The following FAM107B variants were observed in gnomAD, a reference collection of about 807,000 sequenced individuals.
The protein encoded by FAM107B is family with sequence similarity 107 member B, also known as protein FAM107B.
A neutral mutation model predicts 31.5 loss-of-function variants in FAM107B; 21 were observed. The observed-to-expected ratio is 0.67, with a 90% CI of 0.47 to 0.96. The LOEUF (loss-of-function observed/expected upper bound fraction) is 0.96, where lower values mean the gene tolerates loss of function less well. Ranked by LOEUF, FAM107B falls within the 40% of genes least tolerant of loss-of-function variation. The pLI is 0.00. For missense variants in FAM107B, 452 were observed against 377.1 expected (o/e 1.20, Z -1.64); for synonymous variants, 157 against 141.5 (o/e 1.11, Z -0.78).
At chr10:14,769,531 C>A (rs1013955930) in intron 1 of FAM107B, among the ~76,000 whole-genome samples, 1 of 152,102 alleles carries the variant, frequency 6.6e-6, no homozygotes, top group Non-Finnish European at 1.5e-5. Flanking sequence ...ATTACGGGCG[C>A]CCGCCACCAC....
rs185955808 is a variant in FAM107B at position 14,687,992 on chromosome 10, C to T, written c.412-20301G>A. 3.3e-3 allele frequency among the ~76,000 whole-genome samples: 499 copies of T among 152,304 alleles called. 2 individuals are homozygous for T. The highest frequency in any genetic ancestry group is 0.011 in the African/African-American group (466 of 41,556). On this transcript the variant is annotated intron_variant, in intron 1 of 4. Coordinates refer to ENST00000181796, the MANE Select transcript of FAM107B (RefSeq NM_031453.4). ...TAAGGGTATTGCCAAAGGAGATTAA[C>T]ATTTGAGTCAGTGGGCTGGGAAAGG... is the stretch of plus-strand genomic sequence containing the variant.
chr10:14,693,102 G>A (rs193219110), intron 1 of FAM107B, among the ~76,000 whole-genome samples: 11 of 152,322 alleles, frequency 7.2e-5, no homozygotes, highest in Non-Finnish European at 1.3e-4. Flanking sequence ...GGTGACTTAT[G>A]TCTTTTATCA....
intron 2 of FAM107B, among the ~76,000 whole-genome samples, chr10:14,637,679 G>T (rs1564610255): frequency 6.6e-6 from 1 of 152,112 alleles, no homozygotes; most frequent in Non-Finnish European, 1.5e-5. Flanking sequence ...TGACAGGATG[G>T]ACATGATTCC....
intron 1 of FAM107B, among the ~76,000 whole-genome samples, chr10:14,707,165 CA>C (rs1412367096): frequency 1.3e-5 from 2 of 151,696 alleles, no homozygotes; most frequent in Non-Finnish European, 1.5e-5. Flanking sequence ...AACAAAACAA[CA>C]AAACAAAACA....
chr10:14,547,217 T>C (rs1390111312), intron 2 of FAM107B, among the ~76,000 whole-genome samples: 1 of 152,204 alleles, frequency 6.6e-6, no homozygotes, highest in Non-Finnish European at 1.5e-5. Context: ...CTGGTGGGTT[T>C]TGGCTGATGA....
intron 1 of FAM107B, among the ~76,000 whole-genome samples, chr10:14,727,431 A>C (rs1856062915): frequency 6.6e-6 from 1 of 152,186 alleles, no homozygotes; most frequent in Admixed American, 6.5e-5. Flanking sequence ...TGGACTTGCA[A>C]CTGTCAGCAG....
At chr10:14,603,422 T>G (rs887266431) in intron 2 of FAM107B, among the ~76,000 whole-genome samples, 1 of 152,216 alleles carries the variant, frequency 6.6e-6, no homozygotes, top group Non-Finnish European at 1.5e-5. Flanking sequence ...TTTGCTCCGC[T>G]GTCATTGCCT....
chr10:14,703,935 G>A (rs1320632545), intron 1 of FAM107B, among the ~76,000 whole-genome samples: 1 of 152,198 alleles, frequency 6.6e-6, no homozygotes, highest in Non-Finnish European at 1.5e-5. Flanking sequence ...TGATTTAAGA[G>A]CAAACATTTT....
At chr10:14,653,072 G>A (rs923178097) in intron 2 of FAM107B, among the ~76,000 whole-genome samples, 4 of 152,154 alleles carry the variant, frequency 2.6e-5, no homozygotes, top group South Asian at 2.1e-4. Flanking sequence ...GGCAAAACTC[G>A]CAATCCCTGA....
At chr10:14,745,267 A>C (rs948549409) in intron 1 of FAM107B, among the ~76,000 whole-genome samples, 6 of 151,356 alleles carry the variant, frequency 4.0e-5, no homozygotes, top group African/African-American at 1.5e-4. Flanking sequence ...GGATTTGCTA[A>C]TTTTTTGAAG....
chr10:14,579,206 A>T (rs1480121242), intron 2 of FAM107B, among the ~76,000 whole-genome samples: 3 of 152,202 alleles, frequency 2.0e-5, no homozygotes, highest in Non-Finnish European at 4.4e-5. Context: ...TAATTTTTTT[A>T]AATGTAAGCT....
chr10:14,686,522 A>G (rs1327653101), intron 1 of FAM107B, among the ~76,000 whole-genome samples: 1 of 152,178 alleles, frequency 6.6e-6, no homozygotes, highest in Non-Finnish European at 1.5e-5. Context: ...TATGTCTATG[A>G]GCAGAAGTCA....
intron 1 of FAM107B, among the ~76,000 whole-genome samples, chr10:14,763,137 C>T (rs1184586369): frequency 6.6e-6 from 1 of 152,036 alleles, no homozygotes; most frequent in African/African-American, 2.4e-5. Flanking sequence ...TGGCAGGCAC[C>T]TGTAATCCCA....
intron 2 of FAM107B, among the ~76,000 whole-genome samples, chr10:14,567,541 G>C (rs1303374002): frequency 6.6e-6 from 1 of 152,180 alleles, no homozygotes; most frequent in Non-Finnish European, 1.5e-5. Flanking sequence ...GGATCATAGA[G>C]AGGCAACTGT....
chr10:14,657,586 A>T (rs1215026668), intron 2 of FAM107B, among the ~76,000 whole-genome samples: 1 of 152,224 alleles, frequency 6.6e-6, no homozygotes, highest in African/African-American at 2.4e-5. Flanking sequence ...ATGTGGAAAT[A>T]AATCTAGAAC....
intron 3 of FAM107B, among the ~76,000 whole-genome samples, chr10:14,528,283 G>A (rs1031489950): frequency 7.1e-6 from 1 of 141,248 alleles, no homozygotes. Context: ...CCATGTTCAA[G>A]CAATTCTCCT....
intron 2 of FAM107B, among the ~76,000 whole-genome samples, chr10:14,591,399 C>T (rs1852015013): frequency 6.6e-6 from 1 of 152,182 alleles, no homozygotes; most frequent in South Asian, 2.1e-4. Context: ...ACTTTAATAA[C>T]AGGAGGCGCT....
At chr10:14,769,674 C>T (rs1227850757) in intron 1 of FAM107B, among the ~76,000 whole-genome samples, 1 of 152,200 alleles carries the variant, frequency 6.6e-6, no homozygotes, top group Admixed American at 6.5e-5. Context: ...GCGTGAGCCA[C>T]CGCGCCCGGC....
chr10:14,589,977 G>C (rs1452909994), intron 2 of FAM107B, among the ~76,000 whole-genome samples: 1 of 152,110 alleles, frequency 6.6e-6, no homozygotes, highest in Non-Finnish European at 1.5e-5. Flanking sequence ...GTTGTCATGA[G>C]GATCCAAAAA....
Sources: gnomAD v4.1 joint callset for allele counts (sites outside exome capture counted in the v4.1 genomes callset) on GRCh38, gnomAD v4.1.1 for gene constraint, MANE v1.5 for transcripts, NCBI Gene and HGNC (gene_info 2026-07-23, HGNC 2026-07-21) for gene names.